DOT1L: variants seen among roughly 807,000 people sequenced by gnomAD.
The protein encoded by DOT1L is histone-lysine N-methyltransferase, H3 lysine-79 specific.
Under a neutral mutation model 153.3 loss-of-function variants are expected in DOT1L, and 33 were observed. The observed-to-expected ratio is 0.22, with a 90% CI of 0.16 to 0.29. The LOEUF (loss-of-function observed/expected upper bound fraction) is 0.29. Among genes scored for constraint, DOT1L ranks in the 10% least tolerant of loss-of-function variants. The probability of loss-of-function intolerance (pLI) is 1.00; values close to 1 mark genes in which losing one functional copy is unlikely to be tolerated. For synonymous variants in DOT1L, 1,135 were observed against 965.1 expected (o/e 1.18, Z -3.26); for missense variants, 1,847 against 2,119.9 (o/e 0.87, Z 2.53).
intron 7 of DOT1L, among the ~76,000 whole-genome samples, chr19:2,195,352 C>G (rs1018100013): frequency 2.0e-5 from 3 of 152,170 alleles, no homozygotes; most frequent in African/African-American, 7.2e-5. Context: ...CTTCCTTGAC[C>G]TGTGTGCTCC....
At position 2,220,060 on chromosome 19, in the gene DOT1L, C is replaced by T. The variant is rs749240843; in HGVS notation, c.2692-48C>T. 17 of 1,534,666 alleles carry T rather than the reference C, an allele frequency of 1.1e-5. No individual in the cohort carries two copies. In the South Asian group the frequency reaches 1.8e-4, roughly 16 times the overall value. ...CACTGTTTCCAGCTGGGTTCTGGGT[C>T]TCCTGGGGCACCTGCTGCCCCTGAC... On this transcript the variant is annotated intron_variant, in intron 22 of 27. Coordinates refer to ENST00000398665, the MANE Select transcript of DOT1L (RefSeq NM_032482.3). This position sits in a 1 kb window ranked among gnomAD's most constrained non-coding sequence, Gnocchi z 4.5.
At chr19:2,189,971 T>A (rs1175945102) in intron 4 of DOT1L, among the ~76,000 whole-genome samples, 176 bp downstream of exon 4, 1 of 152,158 alleles carries the variant, frequency 6.6e-6, no homozygotes, top group African/African-American at 2.4e-5. Flanking sequence ...CTGCCGAGGC[T>A]GGGCTGTGTG....
intron 7 of DOT1L, among the ~76,000 whole-genome samples, chr19:2,198,907 G>T (rs111992162): frequency 6.6e-6 from 1 of 152,212 alleles, no homozygotes; most frequent in Non-Finnish European, 1.5e-5. Flanking sequence ...TCTCATTGGG[G>T]TCCTGCTTCC....
At chr19:2,179,924 G>T (rs1327670099) in intron 1 of DOT1L, among the ~76,000 whole-genome samples, 1 of 152,030 alleles carries the variant, frequency 6.6e-6, no homozygotes, top group Non-Finnish European at 1.5e-5. Context: ...ACGCAGACGC[G>T]ACGAAAGTGC....
At chr19:2,165,286 G>GCC (rs1189046511) in intron 1 of DOT1L, among the ~76,000 whole-genome samples, 1 of 151,958 alleles carries the variant, frequency 6.6e-6, no homozygotes, top group African/African-American at 2.4e-5. Flanking sequence ...GGACTCCCGC[G>GCC]CGCGCTGGGC....
intron 1 of DOT1L, among the ~76,000 whole-genome samples, chr19:2,171,737 G>A (rs2144660990): frequency 1.3e-5 from 2 of 152,314 alleles, no homozygotes; most frequent in South Asian, 4.1e-4. Context: ...ATCCAGGCTT[G>A]CTGCGTGCAG....
At chr19:2,169,196 CG>C (rs945079719) in intron 1 of DOT1L, among the ~76,000 whole-genome samples, 1 of 152,074 alleles carries the variant, frequency 6.6e-6, no homozygotes, top group African/African-American at 2.4e-5. Context: ...GAGTAGCAGC[CG>C]GGGCGGGGTG....
intron 9 of DOT1L, among the ~76,000 whole-genome samples, chr19:2,205,116 G>A (rs1238869337): frequency 1.3e-5 from 2 of 151,688 alleles, no homozygotes; most frequent in Non-Finnish European, 2.9e-5. Flanking sequence ...GACTACAGGC[G>A]CCCGCCACCA....
At chr19:2,216,923 C>T (rs2023928104) in intron 20 of DOT1L, 32 bp from the exon 21 acceptor site, 2 of 1,590,708 alleles carry the variant, frequency 1.3e-6, no homozygotes, top group Non-Finnish European at 8.6e-7. Context: ...CAGCCCACGG[C>T]CCTCGAGAGT....
intron 14 of DOT1L, 61 bp downstream of exon 14, chr19:2,210,916 C>T: frequency 6.3e-7 from 1 of 1,575,328 alleles, no homozygotes; most frequent in Non-Finnish European, 8.7e-7. Context: ...GGGGTCCCCT[C>T]TGCTGGGACG....
chr19:2,170,455 C>T (rs968107361), intron 1 of DOT1L, among the ~76,000 whole-genome samples: 6 of 152,174 alleles, frequency 3.9e-5, no homozygotes, highest in African/African-American at 7.2e-5. Flanking sequence ...CTGTGCTCTC[C>T]GCAGTCAACA....
rs965214958 is a variant in DOT1L, at chr19:2,232,255, C to T, written c.*2463C>T. 2.3e-5 allele frequency: 5 copies of T among 217,906 alleles called. No homozygotes were observed. Among genetic ancestry groups the T allele is most frequent in the South Asian group, 3.7e-4 (2 of 5,420 alleles). The allele number at this position is 217,906 out of a possible 1,614,324, so 13.5% of individuals were successfully genotyped here. ...TACCCCCTCCTCGGCCCATGAGGCA[C>T]GCACAGTGACTTATTTAAGACTTCC... On this transcript the variant is annotated 3_prime_UTR_variant, in exon 28 of 28. Coordinates refer to ENST00000398665, the MANE Select transcript of DOT1L (RefSeq NM_032482.3).
At position 2,187,994 on chromosome 19, in the gene DOT1L, C is replaced by A. The variant is rs977882018; in HGVS notation, c.201-1738C>A. ...TGCTCCTCTGGAGCTGCGGGGAAGG[C>A]GGGAGGCAGCAGGCCGGCTCTGTGG... is the stretch of plus-strand genomic sequence containing the variant. On this transcript the variant is annotated intron_variant, in intron 3 of 27. Transcript: ENST00000398665. Among the ~76,000 whole-genome samples, 4 of 151,176 alleles carry A rather than the reference C, an allele frequency of 2.6e-5. 1 individual carries two copies. The highest frequency in any genetic ancestry group is 9.7e-5 in the African/African-American group (4 of 41,054).
At position 2,187,325 on chromosome 19, in the gene DOT1L, G is replaced by A. The variant is rs181048544; in HGVS notation, c.200+1396G>A. Among the ~76,000 whole-genome samples the A allele has an allele frequency of 4.8e-3, 727 of 152,354 alleles. 2 individuals carry two copies. Among genetic ancestry groups the A allele is most frequent in the Non-Finnish European group, 7.2e-3 (493 of 68,040 alleles). ...AGCTTCTGCCTTGGCTCTGAGCAGC[G>A]AGCGTGTCAGACGCTGTGCTCACGG... is the stretch of plus-strand genomic sequence containing the variant. On this transcript the variant is annotated intron_variant, in intron 3 of 27. Transcript: ENST00000398665.
intron 3 of DOT1L, among the ~76,000 whole-genome samples, chr19:2,187,695 GAT>G (rs2022580434): frequency 2.0e-5 from 3 of 152,168 alleles, no homozygotes; most frequent in South Asian, 4.1e-4. Context: ...GGCCGAGGCG[GAT>G]GGATCACGAG....
chr19:2,206,521 C>CAAAAAAAAAA (rs5826758), intron 9 of DOT1L, among the ~76,000 whole-genome samples: 1 of 80,716 alleles, frequency 1.2e-5, no homozygotes. Context: ...GACTCTGTCT[C>CAAAAAAAAAA]AAAAAAAAAA....
At chr19:2,226,051 T>G in intron 26 of DOT1L, 132 bp from the exon 27 acceptor site, 2 of 979,208 alleles carry the variant, frequency 2.0e-6, no homozygotes, top group South Asian at 1.9e-5. Context: ...CCTGTCCCGC[T>G]TGGCATCTTG....
At chr19:2,223,824 C>CT (rs1266844101) in intron 25 of DOT1L, among the ~76,000 whole-genome samples, 1 of 152,182 alleles carries the variant, frequency 6.6e-6, no homozygotes, top group African/African-American at 2.4e-5. Context: ...ATTACAGTAG[C>CT]TTTATTAGAT....
In DOT1L at chr19:2,230,457, C is replaced by T. The variant is rs936106643; in HGVS notation, c.*665C>T. ...GCGCCCTTGCATGTGAAGGGGCCTGCGCGGTGACGCAGCTGGCCATGTGCT... is the reference window on the plus strand; with the variant it reads ...GCGCCCTTGCATGTGAAGGGGCCTGTGCGGTGACGCAGCTGGCCATGTGCT... On this transcript the variant is annotated 3_prime_UTR_variant, in exon 28 of 28. Transcript: ENST00000398665. 40 of 399,274 alleles carry T rather than the reference C, an allele frequency of 1.0e-4. No homozygotes were observed. The Admixed American group carries it at 1.4e-3, about 14-fold the overall frequency. The allele number at this position is 399,274 out of a possible 1,614,324, so 24.7% of individuals were successfully genotyped here. A position where few individuals can be genotyped will look rare whatever the true frequency, so the allele number is the denominator to read the frequency against.
Sources: gnomAD v4.1 joint callset for allele counts (sites outside exome capture counted in the v4.1 genomes callset) on GRCh38, gnomAD v4.1.1 for gene constraint, Gnocchi (gnomAD v3.1) non-coding constraint, MANE v1.5 for transcripts, NCBI Gene and HGNC (gene_info 2026-07-23, HGNC 2026-07-21) for gene names.